The following LATS2 variants were observed in gnomAD, a reference collection of about 807,000 sequenced individuals.
LATS2 encodes the protein serine/threonine-protein kinase LATS2.
LATS2 carries 24 observed loss-of-function variants against 76.0 expected under a neutral mutation model. The ratio of observed to expected loss-of-function variants is 0.32; its 90% CI spans 0.23 to 0.44. The LOEUF (loss-of-function observed/expected upper bound fraction) is 0.44. Among genes scored for constraint, LATS2 ranks in the 20% least tolerant of loss-of-function variants. LATS2 has a pLI of 1.00. For missense variants in LATS2, 1,286 were observed against 1,481.2 expected, an observed-to-expected ratio of 0.87 and a Z score of 2.16; for synonymous variants, 692 against 635.4, an observed-to-expected ratio of 1.09 and a Z score of -1.34.
chr13:21,002,338 C>T (rs1020248151), intron 2 of LATS2, among the ~76,000 whole-genome samples: 2 of 151,766 alleles, frequency 1.3e-5, no homozygotes, highest in African/African-American at 4.8e-5. Context: ...GACAAATATG[C>T]CCATCTTTTA....
At chr13:21,060,862 T>TC (rs1873616342) in intron 1 of LATS2, among the ~76,000 whole-genome samples, 4 of 150,022 alleles carry the variant, frequency 2.7e-5, no homozygotes, top group Admixed American at 2.0e-4. Context: ...GGACCGGGGG[T>TC]CCCGAGGCTG....
chr13:21,040,689 G>A (rs1426811032), intron 2 of LATS2, among the ~76,000 whole-genome samples: 1 of 152,130 alleles, frequency 6.6e-6, no homozygotes, highest in Non-Finnish European at 1.5e-5. Flanking sequence ...GGTCTGGGAG[G>A]CCCCAGGAGC....
intron 1 of LATS2, among the ~76,000 whole-genome samples, 177 bp downstream of exon 1, chr13:21,061,169 C>A (rs1327266142): frequency 6.6e-6 from 1 of 151,396 alleles, no homozygotes; most frequent in Non-Finnish European, 1.5e-5. Context: ...GGGCGCGGAC[C>A]GTGGGGGCAG....
At chr13:21,017,377 G>A (rs1389062461) in intron 2 of LATS2, among the ~76,000 whole-genome samples, 1 of 151,892 alleles carries the variant, frequency 6.6e-6, no homozygotes, top group Admixed American at 6.6e-5. Context: ...GTCTTGCTAT[G>A]TTACCCAGGC....
intron 2 of LATS2, among the ~76,000 whole-genome samples, chr13:21,033,052 C>T (rs896897474): frequency 8.6e-5 from 13 of 151,568 alleles, no homozygotes; most frequent in Non-Finnish European, 1.6e-4. Flanking sequence ...AAAGTCCACC[C>T]GGGGAATTAC....
At position 20,988,345 on chromosome 13, in the gene LATS2, G is replaced by A. The variant is rs750941303; in HGVS notation, c.1435C>T (p.Pro479Ser). 5 of 1,352,940 alleles carry A rather than the reference G, an allele frequency of 3.7e-6. No homozygotes were observed. In the African/African-American group the frequency reaches 7.8e-5, roughly 21 times the overall value. 83.8% of individuals were successfully genotyped at this position (1,352,940 alleles called of 1,614,324 possible). A position where few individuals can be genotyped will look rare whatever the true frequency, so the allele number is the denominator to read the frequency against. ...PAPAPAPAPAPAAEGLDAKEE... is the reference protein window; with the variant it reads ...PAPAPAPAPASAAEGLDAKEE... ...TTGGCGTCCAAGCCCTCCGCAGCCG[G>A]GGCGGGGGCGGGGGCGGGGGCCGGG... is the stretch of plus-strand genomic sequence containing the variant. Residue 479 changes from proline to serine, a missense_variant, in exon 4 of 8, where the codon CCG becomes TCG. Physicochemically the swap from Pro to Ser is moderately conservative, Grantham distance 74. Around this residue, in one of 5 missense-constraint regions of LATS2, gnomAD observed 710 missense variants for 660.9 expected, o/e 1.07. Transcript: ENST00000382592.
chr13:20,997,712 T>G (rs568644238), intron 2 of LATS2, among the ~76,000 whole-genome samples: 1 of 152,324 alleles, frequency 6.6e-6, no homozygotes, highest in African/African-American at 2.4e-5. Flanking sequence ...GCACAGGGCT[T>G]ACGAGGACGG....
intron 2 of LATS2, among the ~76,000 whole-genome samples, chr13:21,033,270 G>C (rs1348560369): frequency 6.6e-6 from 1 of 152,066 alleles, no homozygotes; most frequent in Non-Finnish European, 1.5e-5. Context: ...GGATGGGAGA[G>C]AATAGGGGGT....
At chr13:20,981,363 G>A in intron 6 of LATS2, 103 bp downstream of exon 6, 1 of 1,059,678 alleles carries the variant, frequency 9.4e-7, no homozygotes, top group Non-Finnish European at 1.4e-6. Context: ...ACAAAAATAT[G>A]ACTGGAAGCA....
intron 2 of LATS2, among the ~76,000 whole-genome samples, chr13:21,028,299 T>G (rs996273549): frequency 6.6e-6 from 1 of 152,212 alleles, no homozygotes; most frequent in African/African-American, 2.4e-5. Flanking sequence ...ATGGTGTATA[T>G]GTGCCACATT....
intron 1 of LATS2, among the ~76,000 whole-genome samples, chr13:21,049,729 T>TC (rs1422619555): frequency 6.6e-6 from 1 of 152,012 alleles, no homozygotes; most frequent in Non-Finnish European, 1.5e-5. Context: ...GGATGTCCTC[T>TC]CCCCCATCAC....
At position 21,038,831 on chromosome 13, in the gene LATS2, T is replaced by G. The variant is rs1306671224; in HGVS notation, c.342+6854A>C. On this transcript the variant is annotated intron_variant, in intron 2 of 7. Transcript: ENST00000382592. ...GTCTCTATTAAAAATACAAAAAAATTAGCCGGGCGTGGTGGTGCATGCCTG... is the reference window on the plus strand; with the variant it reads ...GTCTCTATTAAAAATACAAAAAAATGAGCCGGGCGTGGTGGTGCATGCCTG... Among the ~76,000 whole-genome samples the G allele has an allele frequency of 2.6e-5, 4 of 152,156 alleles. 1 individual carries two copies. The highest frequency in any genetic ancestry group is 9.6e-5 in the African/African-American group (4 of 41,486).
chr13:21,061,183 G>C (rs1873633252), intron 1 of LATS2, among the ~76,000 whole-genome samples, 163 bp downstream of exon 1: 1 of 151,500 alleles, frequency 6.6e-6, no homozygotes, highest in African/African-American at 2.4e-5. Context: ...GGGGCAGGGC[G>C]CAGGGCTCCG....
intron 2 of LATS2, among the ~76,000 whole-genome samples, chr13:21,040,527 A>G (rs1192935186): frequency 6.6e-6 from 1 of 152,234 alleles, no homozygotes; most frequent in Non-Finnish European, 1.5e-5. Context: ...TAGAATCCAG[A>G]TAGGTGGTGA....
rs548607717 is a variant in LATS2 at position 21,057,635 on chromosome 13, T to TAA, written c.-205+3709_-205+3710dup. On this transcript the variant is annotated intron_variant, in intron 1 of 7. Coordinates refer to ENST00000382592, the MANE Select transcript of LATS2 (RefSeq NM_014572.3). Reference sequence around the variant, plus strand: ...GGTGAAACCCCGTCTCTACTAAAAGTAAAAAAAAAAAAAAATTAGCTGGGC... The same window carrying TAA: ...GGTGAAACCCCGTCTCTACTAAAAGTAAAAAAAAAAAAAAAAATTAGCTGGGC... 8.4e-4 allele frequency among the ~76,000 whole-genome samples: 120 copies of TAA among 142,578 alleles called. 1 individual carries two copies. The highest frequency in any genetic ancestry group is 2.0e-3 in the South Asian group (9 of 4,546). The allele number at this position is 142,578 out of a possible 152,430, so 93.5% of individuals were successfully genotyped here.
In LATS2 at chr13:20,989,180, G is replaced by C; in HGVS notation, c.600C>G (p.Gly200=). The C allele has an allele frequency of 6.2e-7, 1 of 1,613,382 alleles. No individual in the cohort carries two copies. The highest frequency in any genetic ancestry group is 1.1e-5 in the South Asian group (1 of 91,076). ...PYEGPSFGAD[G]PTALEEMPRP... is the part of the protein sequence containing the mutation. ...GCGGCATCTCCTCCAGCGCCGTGGGGCCGTCAGCGCCGAAGCTTGGGCCCT... is the reference window on the plus strand; with the variant it reads ...GCGGCATCTCCTCCAGCGCCGTGGGCCCGTCAGCGCCGAAGCTTGGGCCCT... The change falls in exon 4 of 8, where the codon GGC becomes GGG. Residue 200 remains glycine, a synonymous_variant. Transcript: ENST00000382592.
intron 2 of LATS2, among the ~76,000 whole-genome samples, chr13:20,994,397 G>A (rs1053937479): frequency 3.9e-5 from 6 of 152,198 alleles, no homozygotes; most frequent in African/African-American, 1.4e-4. Context: ...TTTAAACACT[G>A]AAGGAAATGG....
At chr13:20,999,920 C>T (rs924208679) in intron 2 of LATS2, among the ~76,000 whole-genome samples, 10 of 149,054 alleles carry the variant, frequency 6.7e-5, no homozygotes, top group Admixed American at 6.7e-4. Flanking sequence ...GTCCCAGCTA[C>T]TAGGGAGGCT....
chr13:21,060,175 C>A (rs1873581141), intron 1 of LATS2, among the ~76,000 whole-genome samples: 1 of 152,152 alleles, frequency 6.6e-6, no homozygotes, highest in Non-Finnish European at 1.5e-5. Flanking sequence ...TCCCAACCCT[C>A]GGGACACTGG....
Sources: gnomAD v4.1 joint callset for allele counts (sites outside exome capture counted in the v4.1 genomes callset) on GRCh38, gnomAD v4.1.1 for gene constraint, gnomAD v4.1.1 regional missense constraint, MANE v1.5 for transcripts, NCBI Gene and HGNC (gene_info 2026-07-23, HGNC 2026-07-21) for gene names.